Variants in STX19 observed in about 807,000 individuals in gnomAD.
The protein encoded by STX19 is syntaxin 19.
A neutral mutation model predicts 24.3 loss-of-function variants in STX19; 26 were observed. The observed-to-expected ratio is 1.07, with a 90% CI of 0.78 to 1.48. STX19 has a LOEUF of 1.48. Among genes scored for constraint, STX19 ranks in the 40% most tolerant of loss-of-function variants. STX19 has a pLI of 0.00. For missense variants in STX19, 367 were observed against 331.9 expected (o/e 1.11, Z -0.82); for synonymous variants, 116 against 106.9 (o/e 1.09, Z -0.52).
At chr3:94,028,254 C>T (rs564589070) in intron 1 of STX19, 113 bp downstream of exon 1, 6 of 152,252 alleles carry the variant, frequency 3.9e-5, no homozygotes, top group African/African-American at 1.4e-4. Context: ...CAAATCTGAG[C>T]AAAACAAGTA....
chr3:94,021,664 A>G (rs1253637883), intron 1 of STX19, among the ~76,000 whole-genome samples: 3 of 152,174 alleles, frequency 2.0e-5, no homozygotes, highest in Admixed American at 6.5e-5. Flanking sequence ...TCTTTTCAGT[A>G]TAGAGAAAAT....
At chr3:94,025,234 T>C (rs2076530247) in intron 1 of STX19, among the ~76,000 whole-genome samples, 1 of 152,202 alleles carries the variant, frequency 6.6e-6, no homozygotes, top group Admixed American at 6.5e-5. Context: ...TTTATTAATC[T>C]TAATGAATTT....
chr3:94,022,032 A>G (rs1367982930), intron 1 of STX19, among the ~76,000 whole-genome samples: 1 of 152,178 alleles, frequency 6.6e-6, no homozygotes, highest in African/African-American at 2.4e-5. Context: ...TCATAAAGGC[A>G]GTCATTTTCA....
At position 94,014,952 on chromosome 3, in the gene STX19, G is replaced by T. The variant is rs769024123; in HGVS notation, c.318C>A (p.Asn106Lys). The change falls in exon 2 of 2, where the codon AAC becomes AAA. Residue 106 changes from asparagine (N) to lysine (K), a missense_variant. By Grantham distance (94) the Asn-to-Lys change is moderately conservative. Transcript: ENST00000315099. ...CTTTAACTAAATCATTCAAACTTCT[G>T]TTGATGTATTCTGCCTGAATTTTTA... ...KEIKIQAEYI[N>K]RSLNDLVKEV... The T allele has an allele frequency of 1.2e-6, 2 of 1,613,852 alleles. No individual in the cohort carries two copies. Among genetic ancestry groups the T allele is most frequent in the South Asian group, 2.2e-5 (2 of 91,018 alleles).
chr3:94,021,713 A>T (rs1181314819), intron 1 of STX19, among the ~76,000 whole-genome samples: 1 of 152,148 alleles, frequency 6.6e-6, no homozygotes, highest in East Asian at 1.9e-4. Flanking sequence ...TTTATCTTGT[A>T]TAGCTTCCTA....
At position 94,014,420 on chromosome 3, in the gene STX19, A is replaced by G. The variant is rs752066570; in HGVS notation, c.850T>C (p.Cys284Arg). The G allele has an allele frequency of 1.3e-6, 2 of 1,575,472 alleles. No individual in the cohort carries two copies. Among genetic ancestry groups the G allele is most frequent in the East Asian group, 2.2e-5 (1 of 44,742 alleles). ...YKKRNPCRVL[C>R]CWCCPCCSSK ...CTACAGCATGGACAGCACCAACAAC[A>G]CAGTACTCTGCAAGGATTTCTTTTT... is the stretch of plus-strand genomic sequence containing the variant. The change falls in exon 2 of 2, where the codon TGT becomes CGT. Residue 284 changes from cysteine to arginine, a missense_variant. Physicochemically the swap from Cys to Arg is radical, Grantham distance 180. Coordinates refer to ENST00000315099, the MANE Select transcript of STX19 (RefSeq NM_001001850.3).
intron 1 of STX19, among the ~76,000 whole-genome samples, chr3:94,027,803 A>G (rs1394350855): frequency 6.6e-6 from 1 of 152,120 alleles, no homozygotes; most frequent in Non-Finnish European, 1.5e-5. Flanking sequence ...TAGTTGAAAT[A>G]TTATAAAGGT....
At chr3:94,017,886 A>T (rs1450238200) in intron 1 of STX19, among the ~76,000 whole-genome samples, 1 of 152,178 alleles carries the variant, frequency 6.6e-6, no homozygotes, top group Non-Finnish European at 1.5e-5. Flanking sequence ...GATAGAAAGG[A>T]ATGAGAGGAG....
intron 1 of STX19, among the ~76,000 whole-genome samples, chr3:94,019,439 C>T (rs775305679): frequency 2.0e-5 from 3 of 152,084 alleles, no homozygotes; most frequent in African/African-American, 4.8e-5. Flanking sequence ...TCATGATCCG[C>T]CCATCTTGGC....
At chr3:94,026,467 A>G (rs1311914826) in intron 1 of STX19, among the ~76,000 whole-genome samples, 1 of 152,300 alleles carries the variant, frequency 6.6e-6, no homozygotes, top group East Asian at 1.9e-4. Flanking sequence ...GTACTCAAAT[A>G]TGTTTATATG....
intron 1 of STX19, among the ~76,000 whole-genome samples, chr3:94,025,599 A>G (rs2076539988): frequency 6.6e-6 from 1 of 152,184 alleles, no homozygotes; most frequent in South Asian, 2.1e-4. Flanking sequence ...TCAGTAGCCT[A>G]GCTTCATTGG....
chr3:94,015,270 C>T lies in STX19; in HGVS notation c.-1G>A. ...TTAGTTCTTGAAGTCGGTCTTTCAT[C>T]TTCCCTTTCCTCCTAAGAAGCAAAA... On this transcript the variant is annotated 5_prime_UTR_variant, in exon 2 of 2. Transcript: ENST00000315099. 6.5e-7 allele frequency: 1 copy of T among 1,528,050 alleles called. No homozygotes were observed. 94.7% of individuals were successfully genotyped at this position (1,528,050 alleles called of 1,614,324 possible). A position where few individuals can be genotyped will look rare whatever the true frequency, so the allele number is the denominator to read the frequency against.
rs1474640373 is a variant in STX19, at chr3:94,028,399, C to T, written c.-46G>A. On this transcript the variant is annotated 5_prime_UTR_variant, in exon 1 of 2. The change creates a new upstream start codon in the 5' untranslated region. Transcript: ENST00000315099. ...TTTTCTTCCTTTTGTTGGTTTTCCA[C>T]CTGCGGTGTTGGAGTCCTGCCTTTG... is the stretch of plus-strand genomic sequence containing the variant. The T allele has an allele frequency of 6.6e-6, 1 of 152,240 alleles. No homozygotes were observed. Among genetic ancestry groups the T allele is most frequent in the African/African-American group, 2.4e-5 (1 of 41,468 alleles). 9.4% of individuals were successfully genotyped at this position (152,240 alleles called of 1,614,324 possible). A position where few individuals can be genotyped will look rare whatever the true frequency, so the allele number is the denominator to read the frequency against.
At chr3:94,016,833 G>A (rs1431515310) in intron 1 of STX19, among the ~76,000 whole-genome samples, 1 of 152,006 alleles carries the variant, frequency 6.6e-6, no homozygotes, top group African/African-American at 2.4e-5. Flanking sequence ...TTTTGGTAGA[G>A]ACAGGGTTTC....
Position 94,014,565 on chromosome 3 carries a change from C to T in STX19, c.705G>A (p.Gln235=). The change falls in exon 2 of 2, where the codon CAG becomes CAA. Residue 235 remains glutamine (Q), a synonymous_variant. Coordinates refer to ENST00000315099, the MANE Select transcript of STX19 (RefSeq NM_001001850.3). The part of the protein sequence containing the change: ...QIKDLRDLFI[Q]ISLLVEEQGE... ...CTTGTTCCTCTACTAAAAGAGATAT[C>T]TGAATGAAAAGATCCCTTAAATCCT... is the stretch of plus-strand genomic sequence containing the variant. The T allele has an allele frequency of 6.2e-7, 1 of 1,612,322 alleles. No homozygotes were observed. Among genetic ancestry groups the T allele is most frequent in the Non-Finnish European group, 8.5e-7 (1 of 1,179,598 alleles).
intron 1 of STX19, among the ~76,000 whole-genome samples, chr3:94,018,396 G>A (rs148293127): frequency 3.9e-5 from 6 of 152,242 alleles, no homozygotes; most frequent in Non-Finnish European, 1.5e-5. Context: ...CATTTCTTGA[G>A]ACACTTTGAA....
rs761027783 is a variant in STX19, at chr3:94,014,582, T to C, written c.688A>G (p.Arg230Gly). ...VNLENQIKDL[R>G]DLFIQISLLV... ...AGAGATATCTGAATGAAAAGATCCCTTAAATCCTTTATTTGGTTCTCCAAA... is the reference window on the plus strand; with the variant it reads ...AGAGATATCTGAATGAAAAGATCCCCTAAATCCTTTATTTGGTTCTCCAAA... The change falls in exon 2 of 2, where the codon AGG becomes GGG. Residue 230 changes from arginine to glycine, a missense_variant. By Grantham distance (125) the Arg-to-Gly change is moderately radical (BLOSUM62 -2). Coordinates refer to ENST00000315099, the MANE Select transcript of STX19 (RefSeq NM_001001850.3). The C allele has an allele frequency of 6.2e-7, 1 of 1,612,388 alleles. No individual in the cohort carries two copies. Among genetic ancestry groups the C allele is most frequent in the Non-Finnish European group, 8.5e-7 (1 of 1,179,714 alleles).
intron 1 of STX19, among the ~76,000 whole-genome samples, chr3:94,025,359 G>A (rs1482581434): frequency 2.0e-5 from 3 of 152,166 alleles, no homozygotes; most frequent in South Asian, 4.1e-4. Flanking sequence ...ATGGCAATGC[G>A]TATTATGTAA....
At chr3:94,022,587 A>G (rs1297143232) in intron 1 of STX19, among the ~76,000 whole-genome samples, 1 of 152,050 alleles carries the variant, frequency 6.6e-6, no homozygotes, top group Non-Finnish European at 1.5e-5. Flanking sequence ...GTGACTACCC[A>G]AATATTATTT....
Sources: gnomAD v4.1 joint callset for allele counts (sites outside exome capture counted in the v4.1 genomes callset) on GRCh38, gnomAD v4.1.1 for gene constraint, MANE v1.5 for transcripts, NCBI Gene and HGNC (gene_info 2026-07-23, HGNC 2026-07-21) for gene names.